The following SCHIP1 variants were observed in gnomAD, a reference collection of about 807,000 sequenced individuals.
SCHIP1 encodes the protein schwannomin interacting protein 1.
A neutral mutation model predicts 29.7 loss-of-function variants in SCHIP1; 8 were observed. That is an observed-to-expected ratio of 0.27 (90% CI 0.16 to 0.49). The LOEUF (loss-of-function observed/expected upper bound fraction) is 0.49, where lower values mean the gene tolerates loss of function less well. Ranked by LOEUF, SCHIP1 falls within the 20% of genes least tolerant of loss-of-function variation. SCHIP1 has a pLI of 0.99. For missense variants in SCHIP1, 193 were observed against 294.6 expected (o/e 0.66, Z 2.52); for synonymous variants, 76 against 94.9 (o/e 0.80, Z 1.16).
At chr3:159,510,606 C>A in the SCHIP1 span, among the ~76,000 whole-genome samples, 1 of 152,212 alleles carries the variant, frequency 6.6e-6, no homozygotes, top group African/African-American at 2.4e-5. Flanking sequence ...GTTTTATCTA[C>A]CTTTGGTCTT....
chr3:159,884,183 T>TC, intron 2 of SCHIP1, among the ~76,000 whole-genome samples: 1 of 152,288 alleles, frequency 6.6e-6, no homozygotes, highest in Middle Eastern at 3.4e-3. Context: ...ACAGCTTTTT[T>TC]CCCACCATCT....
the SCHIP1 span, among the ~76,000 whole-genome samples, chr3:159,784,207 GTTTGCACC>G: frequency 6.6e-6 from 1 of 152,204 alleles, no homozygotes; most frequent in Non-Finnish European, 1.5e-5. Flanking sequence ...GTCAAATATG[GTTTGCACC>G]TTTGAAGTGA....
the SCHIP1 span, among the ~76,000 whole-genome samples, chr3:159,717,429 A>G: frequency 6.6e-6 from 1 of 152,208 alleles, no homozygotes; most frequent in Non-Finnish European, 1.5e-5. Flanking sequence ...AAAAAAATCA[A>G]TGAATCCAGG....
At chr3:159,719,857 A>G in the SCHIP1 span, among the ~76,000 whole-genome samples, 51 of 152,226 alleles carry the variant, frequency 3.4e-4, no homozygotes, top group Non-Finnish European at 5.7e-4. Flanking sequence ...TAGAAATACC[A>G]TTTGATCCAG....
At chr3:159,435,643 G>A in the SCHIP1 span, among the ~76,000 whole-genome samples, 936 of 152,252 alleles carry the variant, frequency 6.1e-3, 8 homozygotes, top group Middle Eastern at 0.044. Flanking sequence ...GTACATTCTT[G>A]CAGACATTAT....
the SCHIP1 span, among the ~76,000 whole-genome samples, chr3:159,702,853 G>A: frequency 1.3e-5 from 2 of 152,236 alleles, no homozygotes; most frequent in South Asian, 2.1e-4. Flanking sequence ...TCAATGAAAG[G>A]GCTATTTTCA....
At chr3:159,514,341 C>T in the SCHIP1 span, among the ~76,000 whole-genome samples, 1 of 152,182 alleles carries the variant, frequency 6.6e-6, no homozygotes, top group Non-Finnish European at 1.5e-5. Context: ...CACTATAGTA[C>T]ATTCAGCTGG....
At chr3:159,669,930 G>T in the SCHIP1 span, among the ~76,000 whole-genome samples, 123 of 152,306 alleles carry the variant, frequency 8.1e-4, no homozygotes, top group Middle Eastern at 3.4e-3. Flanking sequence ...TGAGCCTGTC[G>T]TCAGGGAGCT....
the SCHIP1 span, among the ~76,000 whole-genome samples, chr3:159,696,160 G>A: frequency 5.3e-5 from 8 of 152,138 alleles, no homozygotes; most frequent in East Asian, 1.4e-3. Flanking sequence ...CAAACTCCTT[G>A]GTTTATAACA....
chr3:159,562,510 C>T, the SCHIP1 span, among the ~76,000 whole-genome samples: 1 of 152,182 alleles, frequency 6.6e-6, no homozygotes, highest in African/African-American at 2.4e-5. Flanking sequence ...AAATTTGCCT[C>T]AGCTACCAGG....
the SCHIP1 span, among the ~76,000 whole-genome samples, chr3:159,535,739 A>T: frequency 6.6e-6 from 1 of 152,242 alleles, no homozygotes; most frequent in African/African-American, 2.4e-5. Context: ...AAGGGTCAGC[A>T]AACATTGTCT....
At chr3:159,544,833 G>T in the SCHIP1 span, among the ~76,000 whole-genome samples, 2 of 152,046 alleles carry the variant, frequency 1.3e-5, no homozygotes, top group Admixed American at 6.6e-5. Context: ...TTAATGAAGA[G>T]AAATTTTAAA....
chr3:159,421,983 G>A, the SCHIP1 span, among the ~76,000 whole-genome samples: 1 of 152,104 alleles, frequency 6.6e-6, no homozygotes, highest in African/African-American at 2.4e-5. Flanking sequence ...CTTAAATAAA[G>A]GCAAGATTTT....
intron 1 of SCHIP1, among the ~76,000 whole-genome samples, chr3:159,849,039 T>G (rs1712219152): frequency 7.0e-6 from 1 of 143,612 alleles, no homozygotes; most frequent in Non-Finnish European, 1.5e-5. Context: ...TGTATAGTGC[T>G]TATTAGAGAA....
the SCHIP1 span, among the ~76,000 whole-genome samples, chr3:159,315,541 C>A: frequency 3.3e-5 from 5 of 151,500 alleles, no homozygotes; most frequent in Non-Finnish European, 7.4e-5. Context: ...CACATTGTGA[C>A]TAATGATTTT....
chr3:159,326,759 A>T, the SCHIP1 span, among the ~76,000 whole-genome samples: 1 of 152,180 alleles, frequency 6.6e-6, no homozygotes, highest in Non-Finnish European at 1.5e-5. Context: ...GATGTGCCCC[A>T]AACTAATATT....
chr3:159,688,485 T>C, the SCHIP1 span, among the ~76,000 whole-genome samples: 1 of 152,240 alleles, frequency 6.6e-6, no homozygotes, highest in Non-Finnish European at 1.5e-5. Context: ...TCCTTGTAGA[T>C]TCTGGATATT....
chr3:159,290,258 G>A, the SCHIP1 span, among the ~76,000 whole-genome samples: 1 of 152,120 alleles, frequency 6.6e-6, no homozygotes, highest in South Asian at 2.1e-4. Flanking sequence ...AAAATAAAGA[G>A]TCAGAAAGGA....
chr3:159,837,281 G>C (rs973856957), upstream of SCHIP1, among the ~76,000 whole-genome samples: 6 of 152,196 alleles, frequency 3.9e-5, no homozygotes, highest in Admixed American at 6.5e-5. Flanking sequence ...GTAGTAACTT[G>C]AGTAAGGTTT....
Sources: gnomAD v4.1 joint callset for allele counts (sites outside exome capture counted in the v4.1 genomes callset) on GRCh38, gnomAD v4.1.1 for gene constraint, MANE v1.5 for transcripts, NCBI Gene and HGNC (gene_info 2026-07-23, HGNC 2026-07-21) for gene names.